DNAAF11: variants seen among roughly 807,000 people sequenced by gnomAD.
DNAAF11 encodes the protein dynein axonemal assembly factor 11.
A neutral mutation model predicts 60.8 loss-of-function variants in DNAAF11; 45 were observed. That is an observed-to-expected ratio of 0.74 (90% CI 0.58 to 0.95). The LOEUF (loss-of-function observed/expected upper bound fraction) is 0.95, where lower values mean the gene tolerates loss of function less well. DNAAF11 is among the 40% of genes least tolerant of loss of function. The pLI is 0.00. For missense variants in DNAAF11, 546 were observed against 546.2 expected (o/e 1.00, Z 0.00); for synonymous variants, 191 against 183.5 (o/e 1.04, Z -0.33).
chr8:132,647,439 A>G (rs1822514333), intron 3 of DNAAF11, among the ~76,000 whole-genome samples: 1 of 152,202 alleles, frequency 6.6e-6, no homozygotes, highest in South Asian at 2.1e-4. Flanking sequence ...TGACACCCTA[A>G]CGTCACAATT....
chr8:132,575,013 A>G (rs1165733569), intron 11 of DNAAF11, among the ~76,000 whole-genome samples: 1 of 152,242 alleles, frequency 6.6e-6, no homozygotes, highest in East Asian at 1.9e-4. Flanking sequence ...CTAGGTCAGC[A>G]TGAATATTGA....
intron 3 of DNAAF11, among the ~76,000 whole-genome samples, chr8:132,648,155 T>C (rs1225047285): frequency 2.0e-5 from 3 of 152,188 alleles, no homozygotes; most frequent in African/African-American, 4.8e-5. Context: ...AAAAAGCTTA[T>C]CTACCATGAT....
chr8:132,643,823 CAGT>C (rs1822097239), intron 3 of DNAAF11: 3 of 430,610 alleles, frequency 7.0e-6, no homozygotes, highest in Admixed American at 2.4e-5. Flanking sequence ...TACCTCTAGG[CAGT>C]AGGACTTAGA....
chr8:132,611,641 C>T (rs935485928), intron 8 of DNAAF11, among the ~76,000 whole-genome samples: 3 of 152,166 alleles, frequency 2.0e-5, no homozygotes, highest in African/African-American at 7.2e-5. Context: ...TTGCAAAAAA[C>T]AGCTTGCCAT....
chr8:132,675,206 T>G (rs1183259302), intron 1 of DNAAF11: 2 of 413,476 alleles, frequency 4.8e-6, no homozygotes, highest in Non-Finnish European at 8.8e-6. Context: ...ACCCCTTTCC[T>G]GGAGTCCAGT....
At position 132,578,556 on chromosome 8, in the gene DNAAF11, A is replaced by G. The variant is rs1233908375; in HGVS notation, c.1226+5138T>C. On this transcript the variant is annotated intron_variant, in intron 11 of 11. Transcript: ENST00000620350. The stretch of plus-strand genomic sequence containing the variant: ...CAACAGATTTAACATCATGGAAGTA[A>G]GCAAGAAAAAAGAAAATGCCTAAAA... The G allele has an allele frequency of 2.4e-6, 3 of 1,251,350 alleles. No individual in the cohort carries two copies. In the Admixed American group the frequency reaches 6.3e-5, roughly 26 times the overall value. 77.5% of individuals were successfully genotyped at this position (1,251,350 alleles called of 1,614,324 possible).
intron 3 of DNAAF11, chr8:132,643,779 T>C: frequency 2.2e-6 from 1 of 452,558 alleles, no homozygotes; most frequent in Admixed American, 2.4e-5. Flanking sequence ...GTTAGACACT[T>C]GTAATAGAAG....
At chr8:132,669,164 C>T (rs1563718068) in intron 1 of DNAAF11, among the ~76,000 whole-genome samples, 1 of 152,202 alleles carries the variant, frequency 6.6e-6, no homozygotes, top group Non-Finnish European at 1.5e-5. Flanking sequence ...CCCACCCCAA[C>T]AATGCTCCCT....
intron 10 of DNAAF11, among the ~76,000 whole-genome samples, chr8:132,593,332 C>CATACATAT (rs577618316): frequency 1.0e-3 from 114 of 108,694 alleles, no homozygotes; most frequent in African/African-American, 3.6e-3. Flanking sequence ...TATATACATA[C>CATACATAT]ATATATATAT....
chr8:132,617,776 A>G (rs1292617881), intron 7 of DNAAF11, among the ~76,000 whole-genome samples: 1 of 151,674 alleles, frequency 6.6e-6, no homozygotes, highest in Non-Finnish European at 1.5e-5. Context: ...ACTACAAACC[A>G]CTGCTCAAGG....
At chr8:132,598,190 G>A (rs1246323144) in intron 10 of DNAAF11, among the ~76,000 whole-genome samples, 1 of 152,136 alleles carries the variant, frequency 6.6e-6, no homozygotes, top group African/African-American at 2.4e-5. Flanking sequence ...ATAAATAGTA[G>A]CTATGTCTTT....
At chr8:132,626,743 A>G (rs1159187048) in intron 5 of DNAAF11, among the ~76,000 whole-genome samples, 1 of 152,188 alleles carries the variant, frequency 6.6e-6, no homozygotes, top group Non-Finnish European at 1.5e-5. Flanking sequence ...ATGACATCAA[A>G]TGAAAAAAAT....
chr8:132,648,586 G>A (rs963112685), intron 3 of DNAAF11, among the ~76,000 whole-genome samples: 1 of 152,180 alleles, frequency 6.6e-6, no homozygotes, highest in East Asian at 1.9e-4. Flanking sequence ...GTGTGCAGAT[G>A]ACATGATTGT....
At chr8:132,624,351 T>C (rs1284584494) in intron 6 of DNAAF11, among the ~76,000 whole-genome samples, 3 of 152,224 alleles carry the variant, frequency 2.0e-5, no homozygotes, top group East Asian at 3.9e-4. Flanking sequence ...CAGAGGGTAA[T>C]AGTGGAGTCA....
chr8:132,692,694 C>T, the DNAAF11 span, among the ~76,000 whole-genome samples: 1 of 152,208 alleles, frequency 6.6e-6, no homozygotes, highest in Non-Finnish European at 1.5e-5. Flanking sequence ...CTGTGCAGGT[C>T]TTCTATCTCC....
upstream of DNAAF11, among the ~76,000 whole-genome samples, chr8:132,679,183 A>AT (rs1474952846): frequency 3.9e-5 from 6 of 152,128 alleles, no homozygotes; most frequent in Non-Finnish European, 8.8e-5. Context: ...ATACTGCATC[A>AT]TTTTTTTAGA....
chr8:132,698,944 A>ATATTGTGTGTGTG, the DNAAF11 span, among the ~76,000 whole-genome samples: 9 of 142,542 alleles, frequency 6.3e-5, no homozygotes, highest in African/African-American at 2.5e-4. Context: ...ATACATATAT[A>ATATTGTGTGTGTG]TATATATATA....
the DNAAF11 span, chr8:132,684,956 T>A: frequency 6.6e-6 from 1 of 152,218 alleles, no homozygotes; most frequent in African/African-American, 2.4e-5. Flanking sequence ...TGGTGTCTCA[T>A]CCATTACACA....
At chr8:132,593,856 C>A (rs561751290) in intron 10 of DNAAF11, among the ~76,000 whole-genome samples, 2 of 152,104 alleles carry the variant, frequency 1.3e-5, no homozygotes, top group Non-Finnish European at 2.9e-5. Context: ...AAAAATGACC[C>A]TTAACCACTA....
Sources: gnomAD v4.1 joint callset for allele counts (sites outside exome capture counted in the v4.1 genomes callset) on GRCh38, gnomAD v4.1.1 for gene constraint, MANE v1.5 for transcripts, NCBI Gene and HGNC (gene_info 2026-07-23, HGNC 2026-07-21) for gene names.